The following ZCCHC24 variants were observed in gnomAD, a reference collection of about 807,000 sequenced individuals.
The protein encoded by ZCCHC24 is zinc finger CCHC-type containing 24, also known as zinc finger CCHC domain-containing protein 24.
A neutral mutation model predicts 26.2 loss-of-function variants in ZCCHC24; 10 were observed. The ratio of observed to expected loss-of-function variants is 0.38; its 90% CI spans 0.24 to 0.65. The LOEUF is 0.65. Ranked by LOEUF, ZCCHC24 falls within the 30% of genes least tolerant of loss-of-function variation. The pLI, the probability that ZCCHC24 is intolerant of heterozygous loss-of-function variation, is 0.54. For synonymous variants in ZCCHC24, 144 were observed against 147.1 expected (o/e 0.98, Z 0.15); for missense variants, 243 against 329.1 (o/e 0.74, Z 2.03).
chr10:79,444,349 A>C (rs545221085), intron 1 of ZCCHC24: 584 of 1,249,246 alleles, frequency 4.7e-4, no homozygotes, highest in Non-Finnish European at 5.6e-4. Flanking sequence ...CGATCTGTGT[A>C]TTTATCTTGC....
chr10:79,413,538 C>T (rs141497830), intron 2 of ZCCHC24, among the ~76,000 whole-genome samples: 7 of 152,296 alleles, frequency 4.6e-5, no homozygotes, highest in East Asian at 3.9e-4. Flanking sequence ...CCTGAGTCAC[C>T]GGGCTGGTCC....
At chr10:79,425,950 C>T (rs114179673) in intron 2 of ZCCHC24, among the ~76,000 whole-genome samples, 1,758 of 152,302 alleles carry the variant, frequency 0.012, 36 homozygotes, top group African/African-American at 0.04. Flanking sequence ...ATGACTAGAC[C>T]ATGGCCTAGG....
At chr10:79,413,211 A>C (rs1856814665) in intron 2 of ZCCHC24, among the ~76,000 whole-genome samples, 1 of 152,254 alleles carries the variant, frequency 6.6e-6, no homozygotes, top group South Asian at 2.1e-4. Context: ...GGTCTCATTT[A>C]ATCCTCACAG....
At chr10:79,431,406 TCGTCAGTGGGTCAG>T (rs1209833841) in intron 2 of ZCCHC24, among the ~76,000 whole-genome samples, 1 of 152,070 alleles carries the variant, frequency 6.6e-6, no homozygotes, top group Admixed American at 6.5e-5. Flanking sequence ...TGCAGGAAAG[TCGTCAGTGGGTCAG>T]CTCCCACTAT....
At chr10:79,414,589 G>A (rs537571975) in intron 2 of ZCCHC24, among the ~76,000 whole-genome samples, 11 of 152,250 alleles carry the variant, frequency 7.2e-5, no homozygotes, top group East Asian at 1.9e-4. Context: ...GGAGTCTCCC[G>A]GAACCTTGTA....
At chr10:79,399,311 A>AC (rs1287010486) in intron 2 of ZCCHC24, among the ~76,000 whole-genome samples, 1 of 151,902 alleles carries the variant, frequency 6.6e-6, no homozygotes, top group Admixed American at 6.6e-5. Context: ...CTCACCACAC[A>AC]CCCCCCTGCC....
intron 1 of ZCCHC24, among the ~76,000 whole-genome samples, chr10:79,444,917 G>A (rs1481656372): frequency 6.6e-6 from 1 of 152,186 alleles, no homozygotes; most frequent in Admixed American, 6.5e-5. Context: ...CAACCCCTTT[G>A]GAGCAGGGCT....
At chr10:79,391,733 C>A (rs938914066) in intron 3 of ZCCHC24, among the ~76,000 whole-genome samples, 2 of 151,898 alleles carry the variant, frequency 1.3e-5, no homozygotes, top group African/African-American at 4.8e-5. Flanking sequence ...GGTCTACTGA[C>A]CTTCTACCCC....
chr10:79,419,348 C>T lies in ZCCHC24; in HGVS notation c.447+13210G>A, dbSNP rs1398960637. Among the ~76,000 whole-genome samples, 3 of 152,192 alleles carry T rather than the reference C, an allele frequency of 2.0e-5. No homozygotes were observed. The East Asian group carries it at 5.8e-4, about 29-fold the overall frequency. On this transcript the variant is annotated intron_variant, in intron 2 of 3. Coordinates refer to ENST00000372336, the MANE Select transcript of ZCCHC24 (RefSeq NM_153367.4). ...ACACACTCTGCAAGGATGGTGAACC[C>T]ATTTTACAGATGCCTGGGAGAAGGT...
chr10:79,445,306 G>A lies in ZCCHC24; in HGVS notation c.135C>T (p.Thr45=). ...SAFDAFRPEP[T]AGAAPPELAF... is the part of the protein sequence containing the mutation. ...CCAGCTCCGGGGGTGCGGCGCCGGCGGTCGGCTCGGGCCGGAAGGCATCGA... is the reference window on the plus strand; with the variant it reads ...CCAGCTCCGGGGGTGCGGCGCCGGCAGTCGGCTCGGGCCGGAAGGCATCGA... The change falls in exon 1 of 4, where the codon ACC becomes ACT. Residue 45 remains threonine, a synonymous_variant. Transcript: ENST00000372336. 1 of 1,494,666 alleles carries A rather than the reference G, an allele frequency of 6.7e-7. No individual in the cohort carries two copies. Among genetic ancestry groups the A allele is most frequent in the Non-Finnish European group, 8.9e-7 (1 of 1,121,776 alleles). 92.6% of individuals were successfully genotyped at this position (1,494,666 alleles called of 1,614,324 possible).
At chr10:79,394,232 C>A in intron 3 of ZCCHC24, 44 bp downstream of exon 3, 1 of 1,588,606 alleles carries the variant, frequency 6.3e-7, no homozygotes, top group South Asian at 1.1e-5. Context: ...GAAAAGTTGC[C>A]CTCCCGCGGT....
chr10:79,411,344 T>G (rs966508538), intron 2 of ZCCHC24, among the ~76,000 whole-genome samples: 5 of 152,176 alleles, frequency 3.3e-5, no homozygotes, highest in Non-Finnish European at 5.9e-5. Flanking sequence ...CACACTCCCC[T>G]GCAGGTGAGC....
At chr10:79,401,479 A>G (rs1856631567) in intron 2 of ZCCHC24, among the ~76,000 whole-genome samples, 1 of 152,204 alleles carries the variant, frequency 6.6e-6, no homozygotes, top group Non-Finnish European at 1.5e-5. Flanking sequence ...GGTAGTCCAG[A>G]TCCGAGCCCA....
chr10:79,413,227 C>CT (rs1188542418), intron 2 of ZCCHC24, among the ~76,000 whole-genome samples: 5 of 152,354 alleles, frequency 3.3e-5, no homozygotes, highest in Non-Finnish European at 5.9e-5. Context: ...CACAGTAACT[C>CT]TGTCAATTAC....
At chr10:79,434,405 G>A (rs767172740) in intron 1 of ZCCHC24, among the ~76,000 whole-genome samples, 16 of 152,170 alleles carry the variant, frequency 1.1e-4, no homozygotes, top group Non-Finnish European at 1.9e-4. Context: ...AGGGTCCCCC[G>A]TCCCTGGAGC....
At chr10:79,438,312 T>A (rs1857244841) in intron 1 of ZCCHC24, among the ~76,000 whole-genome samples, 1 of 152,144 alleles carries the variant, frequency 6.6e-6, no homozygotes, top group Admixed American at 6.5e-5. Flanking sequence ...CCCAAGGGGA[T>A]CTGTACTTCC....
chr10:79,433,453 C>T (rs76210731), intron 1 of ZCCHC24, among the ~76,000 whole-genome samples: 1,540 of 152,358 alleles, frequency 0.01, 26 homozygotes, highest in African/African-American at 0.034. Context: ...TCTTGCTTAG[C>T]TTCAAAGCAG....
At chr10:79,401,425 G>A (rs1297340595) in intron 2 of ZCCHC24, among the ~76,000 whole-genome samples, 1 of 152,260 alleles carries the variant, frequency 6.6e-6, no homozygotes, top group African/African-American at 2.4e-5. Flanking sequence ...GCTGACGCAT[G>A]TAGAGGTTAC....
chr10:79,399,734 G>A (rs1338471983), intron 2 of ZCCHC24, among the ~76,000 whole-genome samples: 1 of 152,328 alleles, frequency 6.6e-6, no homozygotes, highest in South Asian at 2.1e-4. Context: ...AAGCCAAGGA[G>A]CAGAGAAGGC....
Sources: gnomAD v4.1 joint callset for allele counts (sites outside exome capture counted in the v4.1 genomes callset) on GRCh38, gnomAD v4.1.1 for gene constraint, MANE v1.5 for transcripts, NCBI Gene and HGNC (gene_info 2026-07-23, HGNC 2026-07-21) for gene names.